Variants in CGA observed in about 807,000 individuals in gnomAD.
The protein encoded by CGA is glycoprotein hormones alpha chain.
A neutral mutation model predicts 12.0 loss-of-function variants in CGA; 4 were observed. The ratio of observed to expected loss-of-function variants is 0.33; its 90% confidence interval spans 0.16 to 0.76. The LOEUF (loss-of-function observed/expected upper bound fraction) is 0.76. Among genes scored for constraint, CGA ranks in the 30% least tolerant of loss-of-function variants. CGA has a pLI of 0.60. For synonymous variants in CGA, 60 were observed against 56.6 expected (o/e 1.06, Z -0.27); for missense variants, 102 against 143.5 (o/e 0.71, Z 1.48).
intron 2 of CGA, among the ~76,000 whole-genome samples, chr6:87,087,512 T>C (rs1448957452): frequency 6.6e-6 from 1 of 152,178 alleles, no homozygotes; most frequent in Non-Finnish European, 1.5e-5. Flanking sequence ...GAGAGAAATA[T>C]GTCAGAATTA....
chr6:87,089,338 C>T (rs991926460), intron 1 of CGA, among the ~76,000 whole-genome samples: 5 of 151,892 alleles, frequency 3.3e-5, no homozygotes, highest in African/African-American at 1.2e-4. Context: ...CTAATCTACA[C>T]ATGGGATAAA....
At position 87,089,686 on chromosome 6, in the gene CGA, ACTT is replaced by A. The variant is rs1377339025; in HGVS notation, c.-7-1482_-7-1480del. 2.6e-5 allele frequency among the ~76,000 whole-genome samples: 4 copies of A among 152,316 alleles called. No individual in the cohort carries two copies. The East Asian group carries it at 7.7e-4, about 29-fold the overall frequency. On this transcript the variant is annotated intron_variant, in intron 1 of 3. Coordinates refer to ENST00000627148, the MANE Select transcript of CGA (RefSeq NM_000735.4). ...CTAGATGTTTATATTAACCCATAATACTTCTTAGGAATAATTTATCAGACAGCA... is the reference window on the plus strand; with the variant it reads ...CTAGATGTTTATATTAACCCATAATACTTAGGAATAATTTATCAGACAGCA...
intron 2 of CGA, chr6:87,086,662 T>C: frequency 2.2e-6 from 1 of 460,294 alleles, no homozygotes; most frequent in Non-Finnish European, 3.8e-6. Flanking sequence ...GGTGCACACC[T>C]GTAGTCCCAG....
At chr6:87,091,409 T>A (rs1769429731) in intron 1 of CGA, among the ~76,000 whole-genome samples, 2 of 152,200 alleles carry the variant, frequency 1.3e-5, no homozygotes, top group East Asian at 3.8e-4. Context: ...CACCCTCAGG[T>A]TTTTCTGTTT....
rs890204344 is a variant in CGA at position 87,088,241 on chromosome 6, A to C, written c.-7-34T>G. 7.8e-6 allele frequency: 10 copies of C among 1,275,330 alleles called. No individual in the cohort carries two copies. The African/African-American group carries it at 1.2e-4, about 16-fold the overall frequency. The allele number at this position is 1,275,330 out of a possible 1,614,324, so 79.0% of individuals were successfully genotyped here. On this transcript the variant is annotated intron_variant, in intron 1 of 3. Transcript: ENST00000627148. The stretch of plus-strand genomic sequence containing the variant: ...AGACATGGCAAAAAAAAAAAAACAA[A>C]AAACAGTTAATCTAAAATTGGCTTA...
chr6:87,088,707 A>T (rs952551348), intron 1 of CGA, among the ~76,000 whole-genome samples: 3 of 152,202 alleles, frequency 2.0e-5, no homozygotes, highest in African/African-American at 7.2e-5. Flanking sequence ...GACATATTAC[A>T]TATCTATCAG....
chr6:87,088,242 A>G, intron 1 of CGA, 35 bp from the exon 2 acceptor site: 1 of 1,199,110 alleles, frequency 8.3e-7, no homozygotes, highest in South Asian at 1.4e-5. Context: ...AAAAAACAAA[A>G]AACAGTTAAT....
rs918013742 is a variant in CGA, at chr6:87,088,117, C to T, written c.84G>A (p.Val28=). 3 of 1,591,274 alleles carry T rather than the reference C, an allele frequency of 1.9e-6. No individual in the cohort carries two copies. Among genetic ancestry groups the T allele is most frequent in the Non-Finnish European group, 2.6e-6 (3 of 1,167,040 alleles). The change falls in exon 2 of 4, where the codon GTG becomes GTA. Residue 28 remains valine, a synonymous_variant. Transcript: ENST00000627148. The part of the protein sequence containing the change: ...FLHVLHSAPD[V]QDCPECTLQE... ...ACCACAAATTTGGTCACGCACCCTG[C>T]ACATCAGGAGCGGAATGGAGAACAT...
In CGA at chr6:87,085,592, A is replaced by G. The variant is rs1055409; in HGVS notation, c.*164T>C. Reference sequence around the variant, plus strand: ...AGAACTAGACTGCTGATTGTACTGTAGGATAAGGAGGAAGGCAGTAAAGCT... The same window carrying G: ...AGAACTAGACTGCTGATTGTACTGTGGGATAAGGAGGAAGGCAGTAAAGCT... On this transcript the variant is annotated 3_prime_UTR_variant, in exon 4 of 4. Coordinates refer to ENST00000627148, the MANE Select transcript of CGA (RefSeq NM_000735.4). 126,649 of 609,308 alleles carry G rather than the reference A, an allele frequency of 0.21. 14,406 individuals are homozygous for G. Among genetic ancestry groups the G allele is most frequent in the African/African-American group, 0.35 (18,949 of 53,944 alleles). 37.7% of individuals were successfully genotyped at this position (609,308 alleles called of 1,614,324 possible).
Position 87,088,698 on chromosome 6 carries a change from A to G in CGA, c.-7-491T>C, listed in dbSNP as rs117807592. On this transcript the variant is annotated intron_variant, in intron 1 of 3. Coordinates refer to ENST00000627148, the MANE Select transcript of CGA (RefSeq NM_000735.4). ...GGAAATGCAAATTAAAACTACAATG[A>G]CATATTACATATCTATCAGAATGGC... Among the ~76,000 whole-genome samples, 177 of 152,316 alleles carry G rather than the reference A, an allele frequency of 1.2e-3. 1 individual carries two copies. The highest frequency in any genetic ancestry group is 1.1e-3 in the Non-Finnish European group (72 of 68,032).
At position 87,085,780 on chromosome 6, in the gene CGA, A is replaced by T. The variant is rs1426990635; in HGVS notation, c.327T>A (p.Ser109Arg). ...TTTAAGATTTGTGATAATAACAAGT[A>T]CTGCAGTGGCACGCCGTGTGGTTCT... ...KVENHTACHC[S>R]TCYYHKS is the part of the protein sequence containing the mutation. Residue 109 changes from serine (S) to arginine (R), a missense_variant, in exon 4 of 4, where the codon AGT becomes AGA. Ser to Arg is a moderately radical substitution (Grantham distance 110, BLOSUM62 -1). Transcript: ENST00000627148. 25 of 1,612,044 alleles carry T rather than the reference A, an allele frequency of 1.6e-5. No homozygotes were observed. Among genetic ancestry groups the T allele is most frequent in the Non-Finnish European group, 2.1e-5 (25 of 1,178,282 alleles).
intron 1 of CGA, 113 bp from the exon 2 acceptor site, chr6:87,088,320 G>T: frequency 1.9e-6 from 1 of 539,522 alleles, no homozygotes; most frequent in South Asian, 3.0e-5. Flanking sequence ...ATAGTCATCA[G>T]TGTCTTGACC....
chr6:87,087,865 G>T, intron 2 of CGA: 1 of 283,578 alleles, frequency 3.5e-6, no homozygotes. Flanking sequence ...AGAATAAAAA[G>T]GAATCTATTT....
rs1582318209 is a variant in CGA at position 87,085,928 on chromosome 6, T to C, written c.274-95A>G. The C allele has an allele frequency of 5.6e-6, 5 of 891,104 alleles. No individual in the cohort carries two copies. In the East Asian group the frequency reaches 1.1e-4, roughly 19 times the overall value. The allele number at this position is 891,104 out of a possible 1,614,324, so 55.2% of individuals were successfully genotyped here. ...GAATATTACATAAAATTGTTTGCAT[T>C]CTGCTGAAATAAGTAGATGCATACT... On this transcript the variant is annotated intron_variant, in intron 3 of 3. Transcript: ENST00000627148.
intron 1 of CGA, 29 bp from the exon 2 acceptor site, chr6:87,088,236 AAC>A (rs144191580): frequency 0.13 from 72,931 of 557,780 alleles, 2,812 homozygotes; most frequent in African/African-American, 0.24. Context: ...AAAAAAAAAA[AAC>A]AAAAAACAGT....
rs767955999 is a variant in CGA, at chr6:87,086,257, T to C, written c.266A>G (p.Tyr89Cys). ...GGATCTTGAGGTTCTTACCCTGTTA[T>C]ATGATTTAGCTACACAGCAAGTGGA... ...SESTCCVAKS[Y>C]NRVTVMGGFK... The change falls in exon 3 of 4, where the codon TAT becomes TGT. Residue 89 changes from tyrosine to cysteine, a missense_variant. Physicochemically the swap from Tyr to Cys is radical, Grantham distance 194 (BLOSUM62 -2). Coordinates refer to ENST00000627148, the MANE Select transcript of CGA (RefSeq NM_000735.4). 3 of 1,611,070 alleles carry C rather than the reference T, an allele frequency of 1.9e-6. No individual in the cohort carries two copies. The highest frequency in any genetic ancestry group is 3.4e-5 in the Admixed American group (2 of 59,292).
At chr6:87,088,077 G>T (rs777733310) in intron 2 of CGA, 36 bp downstream of exon 2, 21 of 1,234,326 alleles carry the variant, frequency 1.7e-5, no homozygotes, top group East Asian at 2.4e-5. Flanking sequence ...AATGTGTGTT[G>T]TCCTTATTAC....
At chr6:87,091,854 C>T (rs1769438269) in intron 1 of CGA, among the ~76,000 whole-genome samples, 1 of 152,200 alleles carries the variant, frequency 6.6e-6, no homozygotes, top group Non-Finnish European at 1.5e-5. Flanking sequence ...TGATGCCCCA[C>T]AGTCTAACCA....
At position 87,092,742 on chromosome 6, in the gene CGA, C is replaced by CT. The variant is rs35436814; in HGVS notation, c.-8+2270dup. On this transcript the variant is annotated intron_variant, in intron 1 of 3. Transcript: ENST00000627148. The stretch of plus-strand genomic sequence containing the variant: ...GGAAAGGGGAAAAAGCATTAGCTTT[C>CT]TTTTTTTTTTTTTTTTTTTTTTTGA... Among the ~76,000 whole-genome samples, 459 of 77,976 alleles carry CT rather than the reference C, an allele frequency of 5.9e-3. 4 individuals carry two copies. Among genetic ancestry groups the CT allele is most frequent in the East Asian group, 0.01 (22 of 2,102 alleles). 51.2% of individuals were successfully genotyped at this position (77,976 alleles called of 152,430 possible).
Sources: allele counts gnomAD v4.1 joint callset (sites outside exome capture counted in the v4.1 genomes callset), GRCh38; gene constraint gnomAD v4.1.1; transcripts MANE v1.5; gene names NCBI Gene and HGNC (gene_info 2026-07-23, HGNC 2026-07-21).